The following C7 variants were observed in gnomAD, a reference collection of about 807,000 sequenced individuals.
C7 encodes the protein complement C7.
In C7, 83 loss-of-function variants were observed where a neutral mutation model predicts 104.8. The observed-to-expected ratio is 0.79, with a 90% CI of 0.66 to 0.95. The LOEUF is 0.95. Among genes scored for constraint, C7 ranks in the 40% least tolerant of loss-of-function variants. C7 has a pLI of 0.00. For synonymous variants in C7, 415 were observed against 360.6 expected, an observed-to-expected ratio of 1.15 and a Z score of -1.71; for missense variants, 1,070 against 1,011.2, an observed-to-expected ratio of 1.06 and a Z score of -0.79.
At chr5:40,912,596 T>C (rs1161848844) in intron 1 of C7, among the ~76,000 whole-genome samples, 1 of 150,314 alleles carries the variant, frequency 6.7e-6, no homozygotes, top group Non-Finnish European at 1.5e-5. Flanking sequence ...TGGGCTCAAG[T>C]GATCCTACCA....
chr5:40,973,036 T>C (rs922191777), intron 15 of C7, among the ~76,000 whole-genome samples: 1 of 152,182 alleles, frequency 6.6e-6, no homozygotes, highest in African/African-American at 2.4e-5. Flanking sequence ...ATTTCTGAAA[T>C]TGAAAATTTA....
intron 15 of C7, among the ~76,000 whole-genome samples, chr5:40,973,693 T>C (rs1405373437): frequency 2.6e-5 from 4 of 152,166 alleles, no homozygotes; most frequent in Admixed American, 1.3e-4. Context: ...TAAACATGAG[T>C]TTACTTGGAA....
chr5:40,910,013 A>T (rs1246926002), intron 1 of C7, among the ~76,000 whole-genome samples: 2 of 142,610 alleles, frequency 1.4e-5, no homozygotes, highest in African/African-American at 5.3e-5. Flanking sequence ...ATTAGGAGCC[A>T]TGCAGTAGGG....
At chr5:40,936,670 G>A (rs1389540338) in intron 5 of C7, among the ~76,000 whole-genome samples, 185 bp downstream of exon 5, 1 of 152,092 alleles carries the variant, frequency 6.6e-6, no homozygotes, top group African/African-American at 2.4e-5. Context: ...AGATACATGT[G>A]GTAGATGCAG....
chr5:40,928,624 A>G lies in C7; in HGVS notation c.51A>G (p.Gln17=), dbSNP rs1222396182. The G allele has an allele frequency of 2.6e-6, 4 of 1,549,288 alleles. No individual in the cohort carries two copies. The highest frequency in any genetic ancestry group is 1.9e-5 in the Admixed American group (1 of 52,262). ...FILVGFIGEF[Q]SFSSASSPVN... ...TGGTGGGATTTATAGGAGAGTTCCA[A>G]AGTTTTTCAAGGTGAGGACTTTTTG... Residue 17 remains glutamine (Q), a synonymous_variant, in exon 2 of 18, where the codon CAA becomes CAG. Coordinates refer to ENST00000313164, the MANE Select transcript of C7 (RefSeq NM_000587.4).
At position 40,982,773 on chromosome 5, in the gene C7, A is replaced by G. The variant is rs948833533; in HGVS notation, c.*1200A>G. ...TTTATTCCTTATTTCTCTTTCATCA[A>G]AACAAAACAGCAGCTGTGGGAGGAG... On this transcript the variant is annotated 3_prime_UTR_variant, in exon 18 of 18. Transcript: ENST00000313164. The G allele has an allele frequency of 3.9e-5, 6 of 152,314 alleles. No homozygotes were observed. The highest frequency in any genetic ancestry group is 6.5e-5 in the Admixed American group (1 of 15,268). The allele number at this position is 152,314 out of a possible 1,614,324, so 9.4% of individuals were successfully genotyped here. A position where few individuals can be genotyped will look rare whatever the true frequency, so the allele number is the denominator to read the frequency against.
At chr5:40,926,001 T>C (rs1049417604) in intron 1 of C7, among the ~76,000 whole-genome samples, 3 of 152,126 alleles carry the variant, frequency 2.0e-5, no homozygotes, top group African/African-American at 4.8e-5. Flanking sequence ...ATGGTGAACA[T>C]AGATACAAAA....
rs567425928 is a variant in C7, at chr5:40,971,813, G to A, written c.1883-590G>A. Among the ~76,000 whole-genome samples the A allele has an allele frequency of 1.8e-4, 28 of 152,078 alleles. No homozygotes were observed. In the East Asian group the frequency reaches 4.2e-3, roughly 23 times the overall value. On this transcript the variant is annotated intron_variant, in intron 14 of 17. Coordinates refer to ENST00000313164, the MANE Select transcript of C7 (RefSeq NM_000587.4). ...TTCTGTTTTCTGCATATGGCTTGCC[G>A]GTTTTCCCATCACCATTTATTAAAC...
intron 1 of C7, among the ~76,000 whole-genome samples, chr5:40,910,147 C>G (rs1729489119): frequency 6.6e-6 from 1 of 151,782 alleles, no homozygotes; most frequent in Admixed American, 6.6e-5. Flanking sequence ...TGGAATAAAA[C>G]TAAAGGTCTA....
chr5:40,959,468 G>T lies in C7; in HGVS notation c.1509G>T (p.Trp503Cys). The T allele has an allele frequency of 1.9e-6, 3 of 1,610,962 alleles. No homozygotes were observed. Among genetic ancestry groups the T allele is most frequent in the Non-Finnish European group, 2.5e-6 (3 of 1,179,186 alleles). The change falls in exon 12 of 18, where the codon TGG becomes TGT. Residue 503 changes from tryptophan to cysteine, a missense_variant. Physicochemically the swap from Trp to Cys is radical, Grantham distance 215. Transcript: ENST00000313164. ...TTGTAGGAGGGGTTGATGGAGGTTG[G>T]AGTTGCTGGTCCTCTTGGAGCCCCT... ...GNQAGGVDGG[W>C]SCWSSWSPCV...
At chr5:40,966,958 A>G (rs1158899626) in intron 14 of C7, among the ~76,000 whole-genome samples, 3 of 152,178 alleles carry the variant, frequency 2.0e-5, no homozygotes, top group Non-Finnish European at 4.4e-5. Context: ...AATAAAGCCA[A>G]AAGTTTGTTC....
chr5:40,950,297 C>T (rs964637561), intron 9 of C7, among the ~76,000 whole-genome samples: 4 of 152,128 alleles, frequency 2.6e-5, no homozygotes, highest in East Asian at 1.9e-4. Flanking sequence ...TGTGAAAATA[C>T]TCAATGTTTA....
intron 9 of C7, among the ~76,000 whole-genome samples, chr5:40,951,236 TAAG>T (rs1740163016): frequency 6.6e-6 from 1 of 150,550 alleles, no homozygotes; most frequent in Non-Finnish European, 1.5e-5. Context: ...TTTTACTTGT[TAAG>T]TTAAGTTCCT....
At position 40,931,116 on chromosome 5, in the gene C7, T is replaced by C. The variant is rs760986898; in HGVS notation, c.115T>C (p.Cys39Arg). Residue 39 changes from cysteine (C) to arginine (R), a missense_variant, in exon 3 of 18, where the codon TGC becomes CGC. Transcript: ENST00000313164. The stretch of plus-strand genomic sequence containing the variant: ...GGACTTCTATGCCCCTTGGTCAGAA[T>C]GCAATGGCTGTACCAAGACTCAGGT... Reference protein sequence around the residue: ...QWDFYAPWSECNGCTKTQTRR... With the variant: ...QWDFYAPWSERNGCTKTQTRR... 1 of 1,613,404 alleles carries C rather than the reference T, an allele frequency of 6.2e-7. No individual in the cohort carries two copies. Among genetic ancestry groups the C allele is most frequent in the Non-Finnish European group, 8.5e-7 (1 of 1,179,366 alleles).
At chr5:40,970,020 A>T (rs759820615) in intron 14 of C7, among the ~76,000 whole-genome samples, 17 of 152,044 alleles carry the variant, frequency 1.1e-4, no homozygotes, top group South Asian at 4.1e-4. Context: ...TCAATACTAG[A>T]TTATGAAGTT....
intron 1 of C7, among the ~76,000 whole-genome samples, chr5:40,927,418 T>C (rs1739576965): frequency 6.6e-6 from 1 of 152,054 alleles, no homozygotes; most frequent in Admixed American, 6.6e-5. Flanking sequence ...CTGAAAAGTT[T>C]CTGCATGGCA....
intron 7 of C7, among the ~76,000 whole-genome samples, 163 bp downstream of exon 7, chr5:40,945,531 C>A (rs1740028390): frequency 6.6e-6 from 1 of 151,958 alleles, no homozygotes; most frequent in Non-Finnish European, 1.5e-5. Flanking sequence ...CTAAAAGGTA[C>A]AATATTGTCT....
chr5:40,956,722 C>T (rs1244681865), intron 10 of C7, among the ~76,000 whole-genome samples: 1 of 152,218 alleles, frequency 6.6e-6, no homozygotes, highest in Admixed American at 6.5e-5. Context: ...TCAAAAATTG[C>T]AATAGGTCCT....
At chr5:40,935,406 G>T (rs1208895234) in intron 4 of C7, among the ~76,000 whole-genome samples, 1 of 152,148 alleles carries the variant, frequency 6.6e-6, no homozygotes, top group Non-Finnish European at 1.5e-5. Flanking sequence ...GGATTGAGTG[G>T]CAGTATAGCA....
Sources: gnomAD v4.1 joint callset for allele counts (sites outside exome capture counted in the v4.1 genomes callset) on GRCh38, gnomAD v4.1.1 for gene constraint, MANE v1.5 for transcripts, NCBI Gene and HGNC (gene_info 2026-07-23, HGNC 2026-07-21) for gene names.